Variants in SIPA1L1 observed in about 807,000 individuals in gnomAD.
SIPA1L1 encodes signal-induced proliferation-associated 1-like protein 1.
In SIPA1L1, 26 loss-of-function variants were observed where a neutral mutation model predicts 162.7. The ratio of observed to expected loss-of-function variants is 0.16; its 90% CI spans 0.12 to 0.22. The LOEUF (loss-of-function observed/expected upper bound fraction) is 0.22, where lower values mean the gene tolerates loss of function less well. Among genes scored for constraint, SIPA1L1 ranks in the 10% least tolerant of loss-of-function variants. The pLI is 1.00. For missense variants in SIPA1L1, 1,874 were observed against 2,241.0 expected, an observed-to-expected ratio of 0.84 and a Z score of 3.31; for synonymous variants, 829 against 837.4, an observed-to-expected ratio of 0.99 and a Z score of 0.17.
Position 71,709,709 on chromosome 14 carries a change from C to T in SIPA1L1, c.4208+45C>T. On this transcript the variant is annotated intron_variant, in intron 17 of 23. Coordinates refer to ENST00000381232, the MANE Select transcript of SIPA1L1 (RefSeq NM_001386936.1). ...GTCTGATTCCCAGCCCAGACCTAAG[C>T]CCAGTTCCCTGGCCTCAGCCCACTT... is the stretch of plus-strand genomic sequence containing the variant. The T allele has an allele frequency of 4.6e-6, 7 of 1,537,722 alleles. 1 individual carries two copies. The South Asian group carries it at 4.9e-5, about 11-fold the overall frequency.
intron 23 of SIPA1L1, 119 bp from the exon 24 acceptor site, chr14:71,738,899 G>C (rs542401609): frequency 6.3e-4 from 757 of 1,203,382 alleles, no homozygotes; most frequent in Non-Finnish European, 6.7e-4. Context: ...ACAGGTGTTT[G>C]GAGGAACGAA....
intron 13 of SIPA1L1, among the ~76,000 whole-genome samples, chr14:71,695,468 GAT>G (rs2081554909): frequency 6.6e-6 from 1 of 152,156 alleles, no homozygotes; most frequent in African/African-American, 2.4e-5. Flanking sequence ...ACTAGCCTGC[GAT>G]ATCTTAGCTT....
At chr14:71,618,962 A>G (rs2039117031) in intron 6 of SIPA1L1, 75 bp downstream of exon 6, 2 of 1,470,560 alleles carry the variant, frequency 1.4e-6, no homozygotes, top group African/African-American at 2.8e-5. Flanking sequence ...TAGCAAAGCA[A>G]TTAAATTTAA....
chr14:71,374,839 A>G (rs1249115605), intron 2 of SIPA1L1, among the ~76,000 whole-genome samples: 3 of 151,672 alleles, frequency 2.0e-5, no homozygotes, highest in Non-Finnish European at 2.9e-5. Context: ...GGCTCCTCCT[A>G]TTTCCCTTTC....
chr14:71,658,193 G>A, intron 8 of SIPA1L1, 140 bp from the exon 9 acceptor site: 2 of 571,230 alleles, frequency 3.5e-6, no homozygotes, highest in Non-Finnish European at 3.0e-6. Context: ...AAAAAAAAAA[G>A]GAAGAACACC....
intron 2 of SIPA1L1, among the ~76,000 whole-genome samples, chr14:71,505,720 C>T (rs993346978): frequency 6.6e-6 from 1 of 151,960 alleles, no homozygotes; most frequent in Admixed American, 6.6e-5. Context: ...AAATTTAAAA[C>T]TTTTTGAGCA....
At chr14:71,386,100 A>G (rs1304340440) in intron 2 of SIPA1L1, among the ~76,000 whole-genome samples, 2 of 152,144 alleles carry the variant, frequency 1.3e-5, no homozygotes, top group Non-Finnish European at 2.9e-5. Context: ...TGCCTGTCAT[A>G]TTGGACAGTG....
intron 2 of SIPA1L1, among the ~76,000 whole-genome samples, chr14:71,344,240 G>A (rs936509463): frequency 3.1e-4 from 47 of 152,192 alleles, no homozygotes; most frequent in African/African-American, 1.1e-3. Flanking sequence ...GCACATGCAG[G>A]CTTTGGAACC....
chr14:71,351,385 C>CT (rs1367890649), intron 2 of SIPA1L1, among the ~76,000 whole-genome samples: 1 of 151,922 alleles, frequency 6.6e-6, no homozygotes, highest in Non-Finnish European at 1.5e-5. Context: ...GGACTCAACA[C>CT]TAAAGGTACC....
intron 2 of SIPA1L1, among the ~76,000 whole-genome samples, chr14:71,407,904 A>C (rs1272366043): frequency 6.6e-6 from 1 of 152,184 alleles, no homozygotes; most frequent in East Asian, 1.9e-4. Context: ...GCTAGGCTTA[A>C]AATTATCTTG....
At chr14:71,458,302 A>ACT (rs2141800918) in intron 2 of SIPA1L1, among the ~76,000 whole-genome samples, 1 of 152,240 alleles carries the variant, frequency 6.6e-6, no homozygotes, top group African/African-American at 2.4e-5. Context: ...AGATTTTGGC[A>ACT]CTCTAGACAT....
intron 9 of SIPA1L1, among the ~76,000 whole-genome samples, chr14:71,659,326 C>T (rs2043315361): frequency 6.6e-6 from 1 of 152,140 alleles, no homozygotes; most frequent in Admixed American, 6.5e-5. Context: ...AGAAGTTAAC[C>T]AAACACTGAT....
At chr14:71,656,058 T>G (rs2043031051) in intron 8 of SIPA1L1, among the ~76,000 whole-genome samples, 1 of 152,348 alleles carries the variant, frequency 6.6e-6, no homozygotes, top group African/African-American at 2.4e-5. Flanking sequence ...AAAGTTTCAT[T>G]ATTTTAGCCC....
At chr14:71,371,665 G>A (rs992950660) in intron 2 of SIPA1L1, among the ~76,000 whole-genome samples, 4 of 152,128 alleles carry the variant, frequency 2.6e-5, no homozygotes, top group Non-Finnish European at 5.9e-5. Flanking sequence ...CTCCCAAAGT[G>A]CTGGGATTAC....
At chr14:71,681,427 A>G (rs2045800922) in intron 12 of SIPA1L1, among the ~76,000 whole-genome samples, 2 of 152,238 alleles carry the variant, frequency 1.3e-5, no homozygotes, top group Non-Finnish European at 2.9e-5. Flanking sequence ...TATAGTTCTT[A>G]AAGAAAGCAA....
chr14:71,531,385 A>G (rs560714823), intron 4 of SIPA1L1, among the ~76,000 whole-genome samples: 2 of 151,890 alleles, frequency 1.3e-5, no homozygotes, highest in Admixed American at 1.3e-4. Context: ...GTCTACTCCT[A>G]AGAACTGGCT....
intron 7 of SIPA1L1, among the ~76,000 whole-genome samples, chr14:71,640,121 C>T (rs1447836478): frequency 6.6e-6 from 1 of 152,114 alleles, no homozygotes; most frequent in East Asian, 1.9e-4. Flanking sequence ...CCAAGCTGGT[C>T]TCAAACTCCT....
At chr14:71,669,015 A>G (rs1025673961) in intron 10 of SIPA1L1, among the ~76,000 whole-genome samples, 3 of 152,214 alleles carry the variant, frequency 2.0e-5, no homozygotes, top group Non-Finnish European at 4.4e-5. Flanking sequence ...ATCTAAATTA[A>G]TGAGCTTTTA....
chr14:71,700,526 T>C (rs1374460112), intron 14 of SIPA1L1, among the ~76,000 whole-genome samples: 2 of 152,238 alleles, frequency 1.3e-5, no homozygotes, highest in African/African-American at 4.8e-5. Context: ...AAAAGTGTAA[T>C]TGTGAGTCCT....
Sources: gnomAD v4.1 joint callset for allele counts (sites outside exome capture counted in the v4.1 genomes callset) on GRCh38, gnomAD v4.1.1 for gene constraint, MANE v1.5 for transcripts, NCBI Gene and HGNC (gene_info 2026-07-23, HGNC 2026-07-21) for gene names.